The following KCNH5 variants were observed in gnomAD, a reference collection of about 807,000 sequenced individuals.
KCNH5 encodes the protein voltage-gated delayed rectifier potassium channel KCNH5.
A neutral mutation model predicts 96.1 loss-of-function variants in KCNH5; 46 were observed. The ratio of observed to expected loss-of-function variants is 0.48; its 90% CI spans 0.38 to 0.61. The LOEUF (loss-of-function observed/expected upper bound fraction) is 0.61, where lower values mean the gene tolerates loss of function less well. KCNH5 is among the 20% of genes least tolerant of loss of function. The pLI, the probability that KCNH5 is intolerant of heterozygous loss-of-function variation, is 0.00. For missense variants in KCNH5, 907 were observed against 1,225.8 expected (o/e 0.74, Z 3.88); for synonymous variants, 439 against 449.8 (o/e 0.98, Z 0.30).
chr14:62,994,581 A>C (rs1228632100), intron 4 of KCNH5, among the ~76,000 whole-genome samples: 1 of 152,020 alleles, frequency 6.6e-6, no homozygotes, highest in East Asian at 1.9e-4. Flanking sequence ...CCCTTAAATT[A>C]TTATCAGTTA....
chr14:62,784,313 A>C (rs1595620940), intron 9 of KCNH5, among the ~76,000 whole-genome samples: 2 of 152,334 alleles, frequency 1.3e-5, no homozygotes, highest in Admixed American at 6.5e-5. Flanking sequence ...TGCCCTTGAC[A>C]TGTAGGGATT....
chr14:62,938,132 T>G (rs1045314417), intron 7 of KCNH5, among the ~76,000 whole-genome samples: 1 of 152,158 alleles, frequency 6.6e-6, no homozygotes, highest in African/African-American at 2.4e-5. Context: ...GGTCCCAAAT[T>G]AGACCTTCAC....
intron 7 of KCNH5, among the ~76,000 whole-genome samples, chr14:62,921,121 T>C (rs1350854378): frequency 6.6e-6 from 1 of 152,056 alleles, no homozygotes; most frequent in Non-Finnish European, 1.5e-5. Context: ...CTGCAAAACG[T>C]GTTTCATCAC....
At position 63,011,493 on chromosome 14, in the gene KCNH5, G is replaced by A. The variant is rs1382780162; in HGVS notation, c.198-5021C>T. Among the ~76,000 whole-genome samples the A allele has an allele frequency of 1.8e-4, 26 of 148,492 alleles. 2 individuals are homozygous for A. The highest frequency in any genetic ancestry group is 1.3e-3 in the Admixed American group (20 of 14,932). ...AAGTCTGTCTCAAAAAAAAAAAAAAGAAATACAGTTTTCAAAATCTGAAAG... is the reference window on the plus strand; with the variant it reads ...AAGTCTGTCTCAAAAAAAAAAAAAAAAAATACAGTTTTCAAAATCTGAAAG... On this transcript the variant is annotated intron_variant, in intron 2 of 10. Transcript: ENST00000322893.
chr14:63,045,457 G>A lies in KCNH5; in HGVS notation c.-271C>T, dbSNP rs867313148. ...GTGCCGCACACGGGGCTCGGGAACT[G>A]CAGGCTCCGCGGGGCACAGTGCGCC... On this transcript the variant is annotated 5_prime_UTR_variant, in exon 1 of 11. Transcript: ENST00000322893. The A allele has an allele frequency of 3.7e-5, 18 of 483,346 alleles. No homozygotes were observed. Among genetic ancestry groups the A allele is most frequent in the African/African-American group, 2.7e-4 (14 of 51,130 alleles). The allele number at this position is 483,346 out of a possible 1,614,324, so 29.9% of individuals were successfully genotyped here. A position where few individuals can be genotyped will look rare whatever the true frequency, so the allele number is the denominator to read the frequency against.
chr14:62,802,603 T>C, intron 8 of KCNH5, 22 bp from the exon 9 acceptor site: 1 of 1,609,574 alleles, frequency 6.2e-7, no homozygotes, highest in South Asian at 1.1e-5. Context: ...GAGAGATGAA[T>C]AAGTGAAAAG....
At chr14:62,765,879 G>A (rs898817958) in intron 10 of KCNH5, among the ~76,000 whole-genome samples, 5 of 151,996 alleles carry the variant, frequency 3.3e-5, no homozygotes, top group African/African-American at 1.2e-4. Flanking sequence ...GCACAGCAAA[G>A]GATACAATCG....
At chr14:62,726,321 A>AT (rs1884924669) in intron 10 of KCNH5, among the ~76,000 whole-genome samples, 1 of 152,188 alleles carries the variant, frequency 6.6e-6, no homozygotes, top group African/African-American at 2.4e-5. Flanking sequence ...TAAAATTCAG[A>AT]TTTTTTTCTT....
At chr14:63,003,612 ATATATATATATATTTTTT>A (rs1891067227) in intron 3 of KCNH5, among the ~76,000 whole-genome samples, 2 of 121,302 alleles carry the variant, frequency 1.6e-5, no homozygotes, top group African/African-American at 6.8e-5. Context: ...TTATATTTAT[ATATATATATATATTTTTT>A]TTTTTTTGAG....
intron 4 of KCNH5, among the ~76,000 whole-genome samples, chr14:62,993,175 G>A (rs905460352): frequency 2.6e-5 from 4 of 152,056 alleles, no homozygotes; most frequent in South Asian, 2.1e-4. Flanking sequence ...TAATCAATGT[G>A]TCTATTTCTT....
intron 9 of KCNH5, among the ~76,000 whole-genome samples, chr14:62,800,407 C>G (rs556810038): frequency 6.6e-6 from 1 of 152,250 alleles, no homozygotes; most frequent in South Asian, 2.1e-4. Context: ...TTTTGTCTGT[C>G]TCACTGAGCA....
At chr14:62,847,022 A>G (rs569563424) in intron 8 of KCNH5, among the ~76,000 whole-genome samples, 112 of 149,168 alleles carry the variant, frequency 7.5e-4, no homozygotes, top group Admixed American at 7.3e-4. Flanking sequence ...GGATGGTCTC[A>G]ATCTCCTGAC....
chr14:62,919,103 A>G (rs894201674), intron 7 of KCNH5, among the ~76,000 whole-genome samples: 3 of 152,108 alleles, frequency 2.0e-5, no homozygotes, highest in Non-Finnish European at 4.4e-5. Flanking sequence ...TGATTACAAA[A>G]AGTGTAGTAT....
intron 6 of KCNH5, among the ~76,000 whole-genome samples, chr14:62,962,676 T>C (rs1259205654): frequency 6.6e-6 from 1 of 152,160 alleles, no homozygotes; most frequent in Non-Finnish European, 1.5e-5. Context: ...GTGGATACTA[T>C]GGAAAGTTGC....
chr14:62,916,511 C>T (rs1032600714), intron 7 of KCNH5, among the ~76,000 whole-genome samples: 2 of 152,140 alleles, frequency 1.3e-5, no homozygotes, highest in African/African-American at 4.8e-5. Context: ...AGGGAAAGCC[C>T]CTGGTTCAAT....
intron 8 of KCNH5, among the ~76,000 whole-genome samples, chr14:62,835,250 G>T (rs1322828086): frequency 6.6e-6 from 1 of 151,916 alleles, no homozygotes; most frequent in Non-Finnish European, 1.5e-5. Context: ...TGATGTACAT[G>T]GGTTTTACTG....
chr14:62,761,498 C>T (rs1361517649), intron 10 of KCNH5, among the ~76,000 whole-genome samples: 1 of 151,880 alleles, frequency 6.6e-6, no homozygotes, highest in Non-Finnish European at 1.5e-5. Flanking sequence ...AAAGCTGAGA[C>T]AATAGATTCA....
At chr14:62,927,246 A>G (rs1056650944) in intron 7 of KCNH5, among the ~76,000 whole-genome samples, 2 of 152,146 alleles carry the variant, frequency 1.3e-5, no homozygotes, top group African/African-American at 2.4e-5. Context: ...ACAAGTGTTG[A>G]CAGGGATGTG....
chr14:62,881,750 C>T lies in KCNH5; in HGVS notation c.1370-31898G>A, dbSNP rs1212886359. 8.8e-5 allele frequency among the ~76,000 whole-genome samples: 13 copies of T among 146,956 alleles called. No homozygotes were observed. In the Admixed American group the frequency reaches 9.0e-4, roughly 10 times the overall value. Reference sequence around the variant, plus strand: ...GGTTGATATAAGTATCCATATTTTACAGACCCAGACGAAAAAGAATATTCA... The same window carrying T: ...GGTTGATATAAGTATCCATATTTTATAGACCCAGACGAAAAAGAATATTCA... On this transcript the variant is annotated intron_variant, in intron 7 of 10. Transcript: ENST00000322893.
Sources: gnomAD v4.1 joint callset for allele counts (sites outside exome capture counted in the v4.1 genomes callset) on GRCh38, gnomAD v4.1.1 for gene constraint, MANE v1.5 for transcripts, NCBI Gene and HGNC (gene_info 2026-07-23, HGNC 2026-07-21) for gene names.